The following PALD1 variants were observed in gnomAD, a reference collection of about 807,000 sequenced individuals.
The protein encoded by PALD1 is paladin.
A neutral mutation model predicts 96.0 loss-of-function variants in PALD1; 57 were observed. The ratio of observed to expected loss-of-function variants is 0.59; its 90% confidence interval spans 0.48 to 0.74. The LOEUF (loss-of-function observed/expected upper bound fraction) is 0.74. PALD1 is among the 30% of genes least tolerant of loss of function. PALD1 has a pLI of 0.00. For missense variants in PALD1, 1,063 were observed against 1,143.7 expected (o/e 0.93, Z 1.02); for synonymous variants, 464 against 473.6 (o/e 0.98, Z 0.26).
chr10:70,477,305 C>T (rs1845841763), upstream of PALD1, among the ~76,000 whole-genome samples: 1 of 152,218 alleles, frequency 6.6e-6, no homozygotes, highest in Admixed American at 6.5e-5. Flanking sequence ...TCAAATACCT[C>T]TTTGAAGGAG....
At chr10:70,498,164 C>T (rs374907106) in intron 1 of PALD1, among the ~76,000 whole-genome samples, 8 of 152,296 alleles carry the variant, frequency 5.3e-5, no homozygotes, top group South Asian at 2.1e-4. Context: ...TTATTGGAAT[C>T]GTACAATATT....
At chr10:70,548,259 C>T (rs1007929157) in intron 18 of PALD1, among the ~76,000 whole-genome samples, 10 of 152,042 alleles carry the variant, frequency 6.6e-5, no homozygotes, top group Middle Eastern at 3.4e-3. Flanking sequence ...GAGCCAAGAT[C>T]GTGCCATTGC....
Position 70,515,381 on chromosome 10 carries a change from A to G in PALD1, c.-29-10542A>G, listed in dbSNP as rs544739664. On this transcript the variant is annotated intron_variant, in intron 1 of 19. Coordinates refer to ENST00000263563, the MANE Select transcript of PALD1 (RefSeq NM_014431.3). ...ATGGCTTACCAGACAAAGCAGAATG[A>G]GGAGAGTGATGTGATGATCGTGGTT... Among the ~76,000 whole-genome samples the G allele has an allele frequency of 2.0e-5, 3 of 152,334 alleles. 1 individual carries two copies. The East Asian group carries it at 5.8e-4, about 29-fold the overall frequency.
At chr10:70,500,689 C>T (rs1019183026) in intron 1 of PALD1, among the ~76,000 whole-genome samples, 3 of 152,140 alleles carry the variant, frequency 2.0e-5, no homozygotes, top group Non-Finnish European at 2.9e-5. Context: ...GGAGTCCCTG[C>T]GCTTCTGTCA....
intron 1 of PALD1, among the ~76,000 whole-genome samples, chr10:70,521,432 G>A (rs1000329565): frequency 1.3e-5 from 2 of 152,164 alleles, no homozygotes; most frequent in Non-Finnish European, 2.9e-5. Context: ...GGTGCCCAGC[G>A]CTTCATGAGG....
the PALD1 span, among the ~76,000 whole-genome samples, chr10:70,466,730 C>T: frequency 2.0e-5 from 3 of 152,034 alleles, no homozygotes; most frequent in Admixed American, 6.6e-5. Flanking sequence ...CCTTGAGAAG[C>T]GTGAGGGAAG....
At chr10:70,470,230 G>A in the PALD1 span, among the ~76,000 whole-genome samples, 3 of 152,190 alleles carry the variant, frequency 2.0e-5, no homozygotes, top group Admixed American at 6.5e-5. Context: ...AGCAAGTGTG[G>A]CAAAATCTTG....
intron 18 of PALD1, among the ~76,000 whole-genome samples, chr10:70,554,477 A>G (rs564401832): frequency 4.6e-5 from 7 of 152,282 alleles, no homozygotes; most frequent in African/African-American, 1.7e-4. Flanking sequence ...AAAAAGAAAG[A>G]AAACCCATTG....
intron 1 of PALD1, chr10:70,486,416 G>A (rs1458941697): frequency 2.0e-5 from 3 of 152,596 alleles, no homozygotes; most frequent in Non-Finnish European, 4.4e-5. Flanking sequence ...GCACTTCCCA[G>A]GGACAGCCCT....
chr10:70,541,055 G>T, intron 15 of PALD1, 47 bp from the exon 16 acceptor site: 2 of 1,537,350 alleles, frequency 1.3e-6, no homozygotes, highest in South Asian at 2.5e-5. Context: ...TGGGGTTTGT[G>T]CATCCAAGAG....
chr10:70,521,781 GC>G (rs2082600349), intron 1 of PALD1, among the ~76,000 whole-genome samples: 1 of 151,882 alleles, frequency 6.6e-6, no homozygotes, highest in Non-Finnish European at 1.5e-5. Flanking sequence ...TGATCTGCCC[GC>G]TTTGGCCTTC....
intron 1 of PALD1, among the ~76,000 whole-genome samples, chr10:70,504,739 A>G (rs1465209807): frequency 6.6e-6 from 1 of 152,230 alleles, no homozygotes; most frequent in African/African-American, 2.4e-5. Flanking sequence ...CTGCCTCTGC[A>G]TTCAATCTAT....
chr10:70,497,594 C>T (rs918355561), intron 1 of PALD1, among the ~76,000 whole-genome samples: 12 of 149,746 alleles, frequency 8.0e-5, no homozygotes, highest in South Asian at 2.1e-4. Context: ...GACAAAGTCT[C>T]GCTCTGTCAC....
intron 1 of PALD1, among the ~76,000 whole-genome samples, chr10:70,490,248 G>T (rs1846077766): frequency 6.6e-6 from 1 of 151,964 alleles, no homozygotes; most frequent in Non-Finnish European, 1.5e-5. Flanking sequence ...TTTTTTAAAG[G>T]TCTCACTCTG....
At chr10:70,538,849 C>T (rs915975839) in intron 12 of PALD1, 43 bp from the exon 13 acceptor site, 1 of 1,539,742 alleles carries the variant, frequency 6.5e-7, no homozygotes, top group Admixed American at 1.7e-5. Context: ...TCTGCGGCTA[C>T]AGTCGGCTGC....
rs199617829 is a variant in PALD1, at chr10:70,535,680, TCTC to T, written c.1227+840_1227+842del. Among the ~76,000 whole-genome samples the T allele has an allele frequency of 3.6e-3, 540 of 147,964 alleles. 4 individuals carry two copies. The highest frequency in any genetic ancestry group is 0.012 in the African/African-American group (501 of 40,774). ...CCTTCTCCTCCTCCTTCTCCTTTCT[TCTC>T]CTTTTTCTTCTTCTCTTCCTCCTCC... On this transcript the variant is annotated intron_variant, in intron 10 of 19. Coordinates refer to ENST00000263563, the MANE Select transcript of PALD1 (RefSeq NM_014431.3).
intron 1 of PALD1, among the ~76,000 whole-genome samples, chr10:70,513,260 C>T (rs80094071): frequency 7.9e-5 from 12 of 152,024 alleles, no homozygotes; most frequent in African/African-American, 1.7e-4. Context: ...TTTGGGAGGC[C>T]GAGGTGGGTG....
chr10:70,514,293 C>T (rs954627881), intron 1 of PALD1, among the ~76,000 whole-genome samples: 38 of 152,306 alleles, frequency 2.5e-4, no homozygotes, highest in African/African-American at 8.9e-4. Context: ...GGCTGCCCCC[C>T]GCAGTGGCAG....
At chr10:70,529,118 A>G (rs1176400952) in intron 2 of PALD1, 111 bp from the exon 3 acceptor site, 2 of 625,242 alleles carry the variant, frequency 3.2e-6, no homozygotes, top group East Asian at 5.6e-5. Context: ...CTCTGCCACA[A>G]ATCGTAGCCA....
Sources: gnomAD v4.1 joint callset for allele counts (sites outside exome capture counted in the v4.1 genomes callset) on GRCh38, gnomAD v4.1.1 for gene constraint, MANE v1.5 for transcripts, NCBI Gene and HGNC (gene_info 2026-07-23, HGNC 2026-07-21) for gene names.